TANC2: variants seen among roughly 807,000 people sequenced by gnomAD.
The protein encoded by TANC2 is protein TANC2.
A neutral mutation model predicts 210.5 loss-of-function variants in TANC2; 26 were observed. The ratio of observed to expected loss-of-function variants is 0.12; its 90% confidence interval spans 0.09 to 0.17. The LOEUF is 0.17. Among genes scored for constraint, TANC2 ranks in the 10% least tolerant of loss-of-function variants. The pLI, the probability that TANC2 is intolerant of heterozygous loss-of-function variation, is 1.00. For missense variants in TANC2, 2,129 were observed against 2,608.9 expected, an observed-to-expected ratio of 0.82 and a Z score of 4.01; for synonymous variants, 931 against 967.1, an observed-to-expected ratio of 0.96 and a Z score of 0.69.
chr17:63,055,881 C>T (rs759399028), intron 2 of TANC2, among the ~76,000 whole-genome samples: 9 of 144,294 alleles, frequency 6.2e-5, no homozygotes, highest in Middle Eastern at 3.9e-3. Context: ...GCAGTGCTTA[C>T]GCCTGGGAGA....
chr17:63,277,833 C>T (rs1345957468), intron 9 of TANC2, among the ~76,000 whole-genome samples: 2 of 151,582 alleles, frequency 1.3e-5, no homozygotes, highest in Non-Finnish European at 2.9e-5. Context: ...TATTTCTATG[C>T]CAGATGAGTC....
At chr17:63,393,830 G>A (rs951601376) in intron 17 of TANC2, among the ~76,000 whole-genome samples, 2 of 151,340 alleles carry the variant, frequency 1.3e-5, no homozygotes, top group African/African-American at 4.9e-5. Context: ...GAGTGCAATG[G>A]CATGATCTCA....
At chr17:63,205,523 T>C (rs1287956705) in intron 7 of TANC2, among the ~76,000 whole-genome samples, 1 of 152,126 alleles carries the variant, frequency 6.6e-6, no homozygotes, top group African/African-American at 2.4e-5. Context: ...ATTCCTTGGA[T>C]ATGAACCAAA....
chr17:63,406,194 T>G, exon 21 of TANC2: 1 of 1,613,964 alleles, frequency 6.2e-7, no homozygotes, highest in Non-Finnish European at 8.5e-7. Flanking sequence ...GATGTCAACA[T>G]GGCAGACAAG....
intron 1 of TANC2, among the ~76,000 whole-genome samples, chr17:62,996,485 C>T (rs1222157365): frequency 6.7e-6 from 1 of 148,408 alleles, no homozygotes; most frequent in African/African-American, 2.5e-5. Context: ...CGTCACTTCC[C>T]TTTTTTTTTT....
intron 2 of TANC2, among the ~76,000 whole-genome samples, chr17:63,057,312 C>T (rs796732528): frequency 2.6e-5 from 4 of 152,248 alleles, no homozygotes; most frequent in African/African-American, 9.6e-5. Flanking sequence ...GGAAAATTGA[C>T]TTAAGACTGT....
chr17:63,254,247 A>G (rs185865933), intron 8 of TANC2, among the ~76,000 whole-genome samples: 1 of 152,210 alleles, frequency 6.6e-6, no homozygotes, highest in East Asian at 1.9e-4. Flanking sequence ...GCTATCATAA[A>G]TGAGATTACT....
At chr17:63,023,674 T>A (rs191927251) in intron 2 of TANC2, among the ~76,000 whole-genome samples, 2 of 152,328 alleles carry the variant, frequency 1.3e-5, no homozygotes, top group East Asian at 3.9e-4. Context: ...TAACCTGTTT[T>A]GATTTCACAG....
intron 17 of TANC2, among the ~76,000 whole-genome samples, chr17:63,392,683 G>A (rs1380899936): frequency 6.6e-6 from 1 of 152,154 alleles, no homozygotes; most frequent in African/African-American, 2.4e-5. Context: ...TGCAAAAATA[G>A]TGCAGAGACC....
chr17:63,406,086 T>G (rs2048497553), intron 20 of TANC2, 68 bp from the exon 21 acceptor site: 11 of 1,590,848 alleles, frequency 6.9e-6, no homozygotes, highest in Non-Finnish European at 6.9e-6. Context: ...GAGTAAGAGA[T>G]AGTGTGCACG....
At chr17:62,968,186 T>C (rs982216030) in intron 1 of TANC2, among the ~76,000 whole-genome samples, 9 of 152,352 alleles carry the variant, frequency 5.9e-5, no homozygotes, top group East Asian at 5.8e-4. Context: ...ATGTAACTTA[T>C]ATGTATACAT....
intron 21 of TANC2, among the ~76,000 whole-genome samples, chr17:63,410,409 G>A (rs1281139702): frequency 2.1e-5 from 3 of 143,802 alleles, no homozygotes; most frequent in Non-Finnish European, 4.5e-5. Flanking sequence ...AACTTTATTA[G>A]ATTAAACTCT....
intron 1 of TANC2, among the ~76,000 whole-genome samples, chr17:62,979,088 T>C (rs897522681): frequency 2.6e-5 from 4 of 152,202 alleles, no homozygotes; most frequent in African/African-American, 9.7e-5. Context: ...ATGTACACGT[T>C]ATACCACTGT....
In TANC2 at chr17:63,393,779, T is replaced by A. The variant is rs549707605; in HGVS notation, c.3052-1964T>A. On this transcript the variant is annotated intron_variant, in intron 17 of 27. Coordinates refer to ENST00000689528, the Ensembl canonical transcript of TANC2. ...AAGTATTATTATTATTATTATTATT[T>A]TTTTTTTTTGAGAGGAGTTTCACTC... Among the ~76,000 whole-genome samples the A allele has an allele frequency of 2.4e-3, 355 of 149,862 alleles. 2 individuals carry two copies. The highest frequency in any genetic ancestry group is 0.015 in the East Asian group (75 of 5,134).
At chr17:63,181,090 G>A (rs2040769294) in intron 5 of TANC2, among the ~76,000 whole-genome samples, 2 of 150,900 alleles carry the variant, frequency 1.3e-5, no homozygotes, top group Non-Finnish European at 2.9e-5. Context: ...CGAATTAGAG[G>A]GACGTGTGTG....
chr17:63,389,816 T>C (rs536457303), intron 17 of TANC2: 43 of 426,886 alleles, frequency 1.0e-4, no homozygotes, highest in Admixed American at 7.5e-5. Flanking sequence ...CCAGAAATGA[T>C]CTATTGAGCT....
intron 5 of TANC2, among the ~76,000 whole-genome samples, chr17:63,156,629 G>A (rs2039848747): frequency 1.3e-5 from 2 of 152,058 alleles, no homozygotes; most frequent in African/African-American, 4.8e-5. Context: ...CCTTATTACT[G>A]GTTATGGAAA....
chr17:63,356,849 T>A (rs2046796915), intron 14 of TANC2, among the ~76,000 whole-genome samples: 2 of 152,184 alleles, frequency 1.3e-5, no homozygotes, highest in African/African-American at 4.8e-5. Flanking sequence ...TATAGTATGA[T>A]GCCTAGAATA....
At chr17:63,050,205 C>A (rs922238488) in intron 2 of TANC2, among the ~76,000 whole-genome samples, 1 of 151,596 alleles carries the variant, frequency 6.6e-6, no homozygotes, top group African/African-American at 2.4e-5. Flanking sequence ...TTAAGCATAA[C>A]CTCCAAAATA....
Sources: gnomAD v4.1 joint callset for allele counts (sites outside exome capture counted in the v4.1 genomes callset) on GRCh38, gnomAD v4.1.1 for gene constraint, MANE v1.5 for transcripts, NCBI Gene and HGNC (gene_info 2026-07-23, HGNC 2026-07-21) for gene names.